Variants in BBOF1 observed in about 807,000 individuals in gnomAD.
The protein encoded by BBOF1 is basal body orientation factor 1.
A neutral mutation model predicts 68.0 loss-of-function variants in BBOF1; 62 were observed. The observed-to-expected ratio is 0.91, with a 90% CI of 0.74 to 1.13. The LOEUF (loss-of-function observed/expected upper bound fraction) is 1.13. Ranked by LOEUF, BBOF1 falls within the 50% of genes most tolerant of loss-of-function variation. The pLI, the probability that BBOF1 is intolerant of heterozygous loss-of-function variation, is 0.00. For synonymous variants in BBOF1, 208 were observed against 198.8 expected (o/e 1.05, Z -0.39); for missense variants, 534 against 600.1 (o/e 0.89, Z 1.15).
In BBOF1 at chr14:74,065,180, C is replaced by G. The variant is rs374824058; in HGVS notation, c.*481C>G. The G allele has an allele frequency of 1.2e-6, 2 of 1,614,094 alleles. No homozygotes were observed. The highest frequency in any genetic ancestry group is 3.3e-5 in the Admixed American group (2 of 60,012). On this transcript the variant is annotated 3_prime_UTR_variant, in exon 12 of 12. Coordinates refer to ENST00000394009, the MANE Select transcript of BBOF1 (RefSeq NM_025057.3). Reference sequence around the variant, plus strand: ...ATCTCTTAAAAATTCTGTTCACGAACCTGTCCAACATCCACCAAGTGGGCA... The same window carrying G: ...ATCTCTTAAAAATTCTGTTCACGAAGCTGTCCAACATCCACCAAGTGGGCA...
At chr14:74,020,566 C>T (rs557108984) in intron 1 of BBOF1, among the ~76,000 whole-genome samples, 53 of 152,086 alleles carry the variant, frequency 3.5e-4, no homozygotes, top group African/African-American at 1.1e-3. Flanking sequence ...TGCAATGGCA[C>T]GATCTCAGCT....
At chr14:74,023,490 T>C (rs2059349316) in intron 2 of BBOF1, among the ~76,000 whole-genome samples, 1 of 152,212 alleles carries the variant, frequency 6.6e-6, no homozygotes, top group Non-Finnish European at 1.5e-5. Flanking sequence ...TGTAAAGCAG[T>C]TCACTGATAA....
chr14:74,047,207 G>GA (rs2059970063), intron 6 of BBOF1, among the ~76,000 whole-genome samples: 1 of 152,068 alleles, frequency 6.6e-6, no homozygotes, highest in Non-Finnish European at 1.5e-5. Context: ...AGGTCTTAAT[G>GA]GTTTATTTCT....
rs142864741 is a variant in BBOF1 at position 74,029,780 on chromosome 14, A to G, written c.351+531A>G. ...ATTGCTTCCTGATACTGAATTTGTTATTGTTTCTAATGCTTTTCAGTGGAT... is the reference window on the plus strand; with the variant it reads ...ATTGCTTCCTGATACTGAATTTGTTGTTGTTTCTAATGCTTTTCAGTGGAT... On this transcript the variant is annotated intron_variant, in intron 3 of 11. Coordinates refer to ENST00000394009, the MANE Select transcript of BBOF1 (RefSeq NM_025057.3). 9.9e-5 allele frequency among the ~76,000 whole-genome samples: 15 copies of G among 152,222 alleles called. No individual in the cohort carries two copies. The East Asian group carries it at 2.9e-3, about 29-fold the overall frequency.
At chr14:74,039,846 T>C (rs937584888) in intron 4 of BBOF1, among the ~76,000 whole-genome samples, 1 of 152,158 alleles carries the variant, frequency 6.6e-6, no homozygotes, top group Non-Finnish European at 1.5e-5. Context: ...GAAAGCTTTA[T>C]TAATTTATAG....
chr14:74,072,079 G>C, intron 9 of BBOF1: 1 of 1,562,940 alleles, frequency 6.4e-7, no homozygotes, highest in Non-Finnish European at 8.8e-7. Flanking sequence ...GTACAAGGGA[G>C]AGAGTCATGA....
chr14:74,066,558 T>C (rs1262686309), downstream of BBOF1: 1 of 866,848 alleles, frequency 1.2e-6, no homozygotes, highest in Non-Finnish European at 1.8e-6. Context: ...AGAGGCTCAT[T>C]CAGACTCCAG....
chr14:74,055,337 C>T (rs924618856), intron 8 of BBOF1: 8 of 365,946 alleles, frequency 2.2e-5, no homozygotes, highest in African/African-American at 1.3e-4. Context: ...TTAGTAGAGA[C>T]GAGCTTTCAT....
At chr14:74,033,195 C>G (rs1161524890) in intron 3 of BBOF1, among the ~76,000 whole-genome samples, 1 of 150,716 alleles carries the variant, frequency 6.6e-6, no homozygotes, top group Non-Finnish European at 1.5e-5. Context: ...TTTTTCCTTT[C>G]TATATAGAAA....
intron 1 of BBOF1, among the ~76,000 whole-genome samples, chr14:74,020,817 C>T (rs557729406): frequency 3.3e-5 from 5 of 152,210 alleles, no homozygotes; most frequent in South Asian, 4.1e-4. Context: ...TCAAGTACTT[C>T]GAGCCACTCA....
Position 74,055,671 on chromosome 14 carries a change from T to C in BBOF1, c.1374T>C (p.Asn458=). The C allele has an allele frequency of 6.2e-7, 1 of 1,613,096 alleles. No individual in the cohort carries two copies. The highest frequency in any genetic ancestry group is 8.5e-7 in the Non-Finnish European group (1 of 1,179,228). The change falls in exon 9 of 12, where the codon AAT becomes AAC. Residue 458 remains asparagine, a synonymous_variant. Coordinates refer to ENST00000394009, the MANE Select transcript of BBOF1 (RefSeq NM_025057.3). The part of the protein sequence containing the change: ...KVLRLLFAKM[N]GCPSRKYNQS... ...TGCGATTGCTCTTTGCAAAAATGAA[T>C]GGCTGTCCTTCTAGGTAACTCCCTA...
chr14:74,033,950 G>A (rs966961659), intron 3 of BBOF1, 78 bp from the exon 4 acceptor site: 69 of 1,125,908 alleles, frequency 6.1e-5, no homozygotes, highest in African/African-American at 2.3e-4. Context: ...TGCAAATGGC[G>A]TAAGGCTTCA....
intron 9 of BBOF1, among the ~76,000 whole-genome samples, chr14:74,056,034 ATTT>A (rs202158412): frequency 6.9e-6 from 1 of 144,230 alleles, no homozygotes; most frequent in Admixed American, 7.3e-5. Flanking sequence ...AAAGATAAGT[ATTT>A]TTTTTTTTTT....
intron 9 of BBOF1, chr14:74,071,857 G>T: frequency 6.3e-7 from 1 of 1,598,846 alleles, no homozygotes; most frequent in Non-Finnish European, 8.6e-7. Context: ...ATCTTCCTTT[G>T]GTCCTTCCCA....
downstream of BBOF1, among the ~76,000 whole-genome samples, chr14:74,070,037 C>T (rs1056617674): frequency 6.6e-6 from 1 of 151,554 alleles, no homozygotes; most frequent in Admixed American, 6.6e-5. Flanking sequence ...ACGGGGGTTT[C>T]GCCACATGGC....
Position 74,031,438 on chromosome 14 carries a change from GATT to G in BBOF1, c.351+2193_351+2195del, listed in dbSNP as rs373138651. The stretch of plus-strand genomic sequence containing the variant: ...TCATTCCCTTTTATAGCTGTGTGAT[GATT>G]ATTGTGTGGATATATCATAGTTTAT... On this transcript the variant is annotated intron_variant, in intron 3 of 11. Coordinates refer to ENST00000394009, the MANE Select transcript of BBOF1 (RefSeq NM_025057.3). 4.8e-3 allele frequency among the ~76,000 whole-genome samples: 731 copies of G among 152,200 alleles called. 3 individuals carry two copies. The highest frequency in any genetic ancestry group is 0.015 in the African/African-American group (620 of 41,520).
intron 3 of BBOF1, among the ~76,000 whole-genome samples, chr14:74,031,214 AG>A (rs1309530302): frequency 6.6e-6 from 1 of 151,792 alleles, no homozygotes; most frequent in African/African-American, 2.4e-5. Flanking sequence ...ATTGGGTTCA[AG>A]GGATCCTCCC....
chr14:74,052,903 G>A (rs1466806319), intron 8 of BBOF1, among the ~76,000 whole-genome samples: 1 of 149,420 alleles, frequency 6.7e-6, no homozygotes, highest in Non-Finnish European at 1.5e-5. Context: ...GGGAGGCTGA[G>A]GTGGGAGGAT....
chr14:74,025,510 T>C (rs1381957639), intron 2 of BBOF1, among the ~76,000 whole-genome samples: 1 of 152,208 alleles, frequency 6.6e-6, no homozygotes, highest in African/African-American at 2.4e-5. Flanking sequence ...ATAATAGAAA[T>C]GAAATGTGTT....
Sources: gnomAD v4.1 joint callset for allele counts (sites outside exome capture counted in the v4.1 genomes callset) on GRCh38, gnomAD v4.1.1 for gene constraint, MANE v1.5 for transcripts, NCBI Gene and HGNC (gene_info 2026-07-23, HGNC 2026-07-21) for gene names.